Variants in FRMD4B observed in about 807,000 individuals in gnomAD.
FRMD4B encodes the protein FERM domain-containing protein 4B.
FRMD4B carries 74 observed loss-of-function variants against 141.5 expected under a neutral mutation model. The ratio of observed to expected loss-of-function variants is 0.52; its 90% CI spans 0.43 to 0.63. FRMD4B has a LOEUF of 0.63. Ranked by LOEUF, FRMD4B falls within the 30% of genes least tolerant of loss-of-function variation. The probability of loss-of-function intolerance (pLI) is 0.00; values close to 1 mark genes in which losing one functional copy is unlikely to be tolerated. For missense variants in FRMD4B, 1,366 were observed against 1,253.4 expected (o/e 1.09, Z -1.36); for synonymous variants, 506 against 467.9 (o/e 1.08, Z -1.05).
intron 1 of FRMD4B, among the ~76,000 whole-genome samples, chr3:69,436,116 C>G (rs542699537): frequency 6.6e-6 from 1 of 152,332 alleles, no homozygotes; most frequent in East Asian, 1.9e-4. Flanking sequence ...AATGACTCTA[C>G]TGGAGTTTGC....
chr3:69,456,957 C>T (rs752424649), intron 1 of FRMD4B, among the ~76,000 whole-genome samples: 2 of 151,968 alleles, frequency 1.3e-5, no homozygotes, highest in Non-Finnish European at 2.9e-5. Context: ...ATTATGTGGC[C>T]CTGTAGAGAA....
In FRMD4B at chr3:69,196,231, C is replaced by T. The variant is rs368825595; in HGVS notation, c.1234+24G>A. 28 of 1,541,048 alleles carry T rather than the reference C, an allele frequency of 1.8e-5. No individual in the cohort carries two copies. In the African/African-American group the frequency reaches 2.1e-4, roughly 12 times the overall value. On this transcript the variant is annotated intron_variant, in intron 14 of 22. Transcript: ENST00000398540. ...ACAAACGAAATAAAGATGGCTTGCA[C>T]GTTCTCTAATCCCAAGATGTTACCT...
chr3:69,265,538 G>T (rs13064426), intron 5 of FRMD4B, among the ~76,000 whole-genome samples: 137,238 of 143,414 alleles, frequency 0.96, 65,966 homozygotes, highest in East Asian at 1. Flanking sequence ...AAGCTCCGCC[G>T]CCCGGTTCAC....
chr3:69,303,789 C>T (rs74853776), intron 3 of FRMD4B, among the ~76,000 whole-genome samples: 1 of 151,752 alleles, frequency 6.6e-6, no homozygotes, highest in East Asian at 2.0e-4. Context: ...AAAAAATTAG[C>T]CTAGTGTGGT....
chr3:69,388,836 A>C (rs1452744374), upstream of FRMD4B, among the ~76,000 whole-genome samples: 1 of 152,174 alleles, frequency 6.6e-6, no homozygotes, highest in Non-Finnish European at 1.5e-5. Context: ...TATAAGTAAA[A>C]TGTGGGTTTT....
intron 1 of FRMD4B, among the ~76,000 whole-genome samples, chr3:69,466,065 A>C (rs4535233): frequency 0.24 from 37,052 of 151,278 alleles, 4,772 homozygotes; most frequent in Middle Eastern, 0.3. Flanking sequence ...TTGTTTCCTG[A>C]CTTTTTTTTT....
intron 2 of FRMD4B, among the ~76,000 whole-genome samples, chr3:69,398,934 A>G (rs1476641493): frequency 1.6e-4 from 24 of 152,226 alleles, no homozygotes; most frequent in Admixed American, 1.6e-3. Flanking sequence ...CTATTTTAAA[A>G]GAGTAAAGAA....
intron 2 of FRMD4B, among the ~76,000 whole-genome samples, chr3:69,394,731 A>T (rs1559844887): frequency 6.6e-6 from 1 of 152,244 alleles, no homozygotes; most frequent in Non-Finnish European, 1.5e-5. Context: ...TGTTTATTGC[A>T]GTATGATTTA....
rs371350022 is a variant in FRMD4B, at chr3:69,326,119, AT to A, written c.163-12603del. Among the ~76,000 whole-genome samples the A allele has an allele frequency of 2.1e-3, 283 of 133,662 alleles. 3 individuals are homozygous for A. Among genetic ancestry groups the A allele is most frequent in the South Asian group, 0.018 (79 of 4,304 alleles). The allele number at this position is 133,662 out of a possible 152,430, so 87.7% of individuals were successfully genotyped here. A position where few individuals can be genotyped will look rare whatever the true frequency, so the allele number is the denominator to read the frequency against. ...GCACACCATCATGCCTGGCTAATCA[AT>A]TTTTTTTTTTTTTTTTTGTAGAGAT... On this transcript the variant is annotated intron_variant, in intron 1 of 22. Coordinates refer to ENST00000398540, the MANE Select transcript of FRMD4B (RefSeq NM_015123.3).
At chr3:69,482,562 T>G (rs1425107032) in intron 1 of FRMD4B, among the ~76,000 whole-genome samples, 1 of 152,224 alleles carries the variant, frequency 6.6e-6, no homozygotes, top group African/African-American at 2.4e-5. Flanking sequence ...TGCGCAATGC[T>G]CTAACATCTT....
chr3:69,229,015 G>GTTTT (rs58912710), intron 7 of FRMD4B, among the ~76,000 whole-genome samples: 41 of 121,002 alleles, frequency 3.4e-4, no homozygotes, highest in Non-Finnish European at 3.7e-4. Context: ...TCAAAATCAT[G>GTTTT]TTTTTTTTTT....
At chr3:69,541,442 TC>T (rs1265021620) in intron 1 of FRMD4B, 1 of 152,138 alleles carries the variant, frequency 6.6e-6, no homozygotes, top group African/African-American at 2.4e-5. Flanking sequence ...GAGAGAGACC[TC>T]CTCCTGCGGC....
At chr3:69,366,296 ACAACAACT>A (rs1198442931) in intron 1 of FRMD4B, among the ~76,000 whole-genome samples, 4 of 151,244 alleles carry the variant, frequency 2.6e-5, no homozygotes, top group African/African-American at 9.8e-5. Context: ...AAAAAAATTG[ACAACAACT>A]TAATGTCCAT....
intron 20 of FRMD4B, among the ~76,000 whole-genome samples, chr3:69,182,043 A>C (rs921278475): frequency 2.6e-5 from 4 of 152,100 alleles, no homozygotes; most frequent in Non-Finnish European, 5.9e-5. Flanking sequence ...CAAAAAACCC[A>C]ACGTGTCTTT....
At chr3:69,209,869 A>C (rs1169412216) in intron 11 of FRMD4B, among the ~76,000 whole-genome samples, 1 of 152,222 alleles carries the variant, frequency 6.6e-6, no homozygotes, top group Non-Finnish European at 1.5e-5. Context: ...GCAGTGTCAG[A>C]AGTAGCTTCT....
intron 11 of FRMD4B, among the ~76,000 whole-genome samples, chr3:69,212,976 G>T (rs774788251): frequency 6.6e-6 from 1 of 151,270 alleles, no homozygotes; most frequent in African/African-American, 2.4e-5. Flanking sequence ...TGTTTGACTG[G>T]GTTTTTTTAT....
chr3:69,479,451 C>T (rs1432357615), intron 1 of FRMD4B, among the ~76,000 whole-genome samples: 1 of 152,008 alleles, frequency 6.6e-6, no homozygotes, highest in Admixed American at 6.5e-5. Flanking sequence ...GATTTTATTT[C>T]TCCTTCACTT....
intron 1 of FRMD4B, among the ~76,000 whole-genome samples, chr3:69,509,657 T>C (rs1033132963): frequency 6.6e-6 from 1 of 152,132 alleles, no homozygotes; most frequent in Non-Finnish European, 1.5e-5. Context: ...CTGGAAAATC[T>C]CAGAAACCTT....
chr3:69,350,514 C>T (rs1475657539), intron 1 of FRMD4B, among the ~76,000 whole-genome samples: 1 of 152,090 alleles, frequency 6.6e-6, no homozygotes, highest in Non-Finnish European at 1.5e-5. Flanking sequence ...GCTTTAAAGA[C>T]ACATGAACAT....
Sources: allele counts gnomAD v4.1 joint callset (sites outside exome capture counted in the v4.1 genomes callset), GRCh38; gene constraint gnomAD v4.1.1; transcripts MANE v1.5; gene names NCBI Gene and HGNC (gene_info 2026-07-23, HGNC 2026-07-21).